RUNX1T1: variants seen among roughly 807,000 people sequenced by gnomAD.
The protein encoded by RUNX1T1 is RUNX1 partner transcriptional co-repressor 1.
A neutral mutation model predicts 62.8 loss-of-function variants in RUNX1T1; 4 were observed. The ratio of observed to expected loss-of-function variants is 0.06; its 90% CI spans 0.03 to 0.15. RUNX1T1 has a LOEUF of 0.15. Among genes scored for constraint, RUNX1T1 ranks in the 10% least tolerant of loss-of-function variants. The pLI is 1.00. For missense variants in RUNX1T1, 508 were observed against 754.3 expected (o/e 0.67, Z 3.82); for synonymous variants, 291 against 286.0 (o/e 1.02, Z -0.18).
At chr8:92,035,511 A>C (rs1404514593) in intron 1 of RUNX1T1, among the ~76,000 whole-genome samples, 1 of 152,110 alleles carries the variant, frequency 6.6e-6, no homozygotes, top group Non-Finnish European at 1.5e-5. Context: ...AAAATTTTAA[A>C]GGCGATTTTC....
chr8:92,029,830 A>G (rs1003785205), intron 1 of RUNX1T1, among the ~76,000 whole-genome samples: 1 of 152,180 alleles, frequency 6.6e-6, no homozygotes, highest in Non-Finnish European at 1.5e-5. Context: ...AAAAGCATTC[A>G]TTCAAAAATA....
intron 1 of RUNX1T1, among the ~76,000 whole-genome samples, chr8:92,050,171 G>A (rs1410844482): frequency 6.6e-6 from 1 of 152,100 alleles, no homozygotes; most frequent in African/African-American, 2.4e-5. Context: ...TTTTTGTTAA[G>A]AAGAAGAAAT....
downstream of RUNX1T1, chr8:91,956,676 A>C (rs1461133551): frequency 4.4e-6 from 1 of 226,112 alleles, no homozygotes; most frequent in Non-Finnish European, 8.8e-6. Flanking sequence ...TGACAAAAGC[A>C]TGATGCCTAG....
At chr8:92,013,906 A>G (rs1423118072) in intron 3 of RUNX1T1, among the ~76,000 whole-genome samples, 1 of 152,118 alleles carries the variant, frequency 6.6e-6, no homozygotes, top group African/African-American at 2.4e-5. Flanking sequence ...ATGAATACAG[A>G]AGGTTTCGGA....
chr8:92,058,095 C>A (rs1831329148), intron 1 of RUNX1T1, among the ~76,000 whole-genome samples: 3 of 152,076 alleles, frequency 2.0e-5, no homozygotes, highest in Admixed American at 2.0e-4. Context: ...GGTATCTACC[C>A]CTCTGGGCTC....
At chr8:92,020,992 A>AAACAACAAC (rs1008358127) in intron 1 of RUNX1T1, among the ~76,000 whole-genome samples, 3 of 152,076 alleles carry the variant, frequency 2.0e-5, no homozygotes, top group African/African-American at 4.8e-5. Flanking sequence ...GACCAGTATA[A>AAACAACAAC]AACAACAACA....
intron 1 of RUNX1T1, among the ~76,000 whole-genome samples, chr8:92,030,865 A>C (rs1044391388): frequency 6.6e-6 from 1 of 152,154 alleles, no homozygotes; most frequent in African/African-American, 2.4e-5. Flanking sequence ...ACAGGCCTTC[A>C]CATCTCATGC....
chr8:92,025,488 C>T (rs1370009074), intron 1 of RUNX1T1, among the ~76,000 whole-genome samples: 3 of 152,162 alleles, frequency 2.0e-5, no homozygotes, highest in Non-Finnish European at 1.5e-5. Context: ...ATACTCTTCA[C>T]CCCATCACCG....
intron 1 of RUNX1T1, among the ~76,000 whole-genome samples, chr8:92,039,808 T>C (rs964111962): frequency 4.6e-5 from 7 of 152,204 alleles, no homozygotes; most frequent in East Asian, 1.9e-4. Context: ...CAACTGATCA[T>C]TGGAGCCCCT....
chr8:91,991,545 C>T (rs1817676764), intron 6 of RUNX1T1, 94 bp downstream of exon 7: 14 of 1,319,938 alleles, frequency 1.1e-5, no homozygotes, highest in Non-Finnish European at 1.5e-5. Flanking sequence ...TCATCCCTAT[C>T]ACAGATTTCA....
At chr8:91,958,013 C>T (rs1054352999), downstream of RUNX1T1, 4 of 219,946 alleles carry the variant, frequency 1.8e-5, no homozygotes, top group Non-Finnish European at 3.7e-5. Context: ...ATTTAAGAGA[C>T]TTAAAGCAAA....
At chr8:91,969,751 TTAAA>T (rs961949700) in intron 10 of RUNX1T1, among the ~76,000 whole-genome samples, 29 of 152,182 alleles carry the variant, frequency 1.9e-4, no homozygotes, top group Admixed American at 1.6e-3. Context: ...CTGGTACAAA[TTAAA>T]TACTTACTCT....
intron 1 of RUNX1T1, among the ~76,000 whole-genome samples, chr8:92,041,060 G>A (rs1828350046): frequency 6.6e-6 from 1 of 152,060 alleles, no homozygotes; most frequent in Non-Finnish European, 1.5e-5. Context: ...TTTACCAAGT[G>A]CCAGTTATCT....
chr8:92,071,806 T>C (rs1210407835), intron 2 of RUNX1T1, among the ~76,000 whole-genome samples: 1 of 152,166 alleles, frequency 6.6e-6, no homozygotes, highest in Admixed American at 6.5e-5. Flanking sequence ...ACCCCGAAGC[T>C]GCGGCTCCAT....
At chr8:91,987,442 G>GT (rs1319469681) in intron 6 of RUNX1T1, among the ~76,000 whole-genome samples, 1 of 152,124 alleles carries the variant, frequency 6.6e-6, no homozygotes, top group Non-Finnish European at 1.5e-5. Flanking sequence ...TGTCAGCCTT[G>GT]TGTAAATGAA....
intron 1 of RUNX1T1, among the ~76,000 whole-genome samples, chr8:92,080,467 C>A (rs1835076116): frequency 3.9e-5 from 6 of 152,248 alleles, no homozygotes. Context: ...CTTTGTCCCA[C>A]ACTGAGCAGC....
intron 5 of RUNX1T1, among the ~76,000 whole-genome samples, chr8:91,999,043 T>C (rs1338496818): frequency 1.3e-5 from 2 of 152,220 alleles, no homozygotes; most frequent in African/African-American, 4.8e-5. Flanking sequence ...GTATGTGTAA[T>C]GCACTATCCT....
intron 2 of RUNX1T1, among the ~76,000 whole-genome samples, chr8:92,072,324 T>G (rs1004466950): frequency 1.3e-5 from 2 of 152,240 alleles, no homozygotes; most frequent in African/African-American, 4.8e-5. Flanking sequence ...TGGTTTATTA[T>G]GTTTCACCAA....
At chr8:92,062,826 A>C in exon 1 of RUNX1T1, 1 of 1,435,720 alleles carries the variant, frequency 7.0e-7, no homozygotes, top group Non-Finnish European at 9.1e-7. Context: ...TAGGCAGAAC[A>C]ATGACAGGGA....
Sources: gnomAD v4.1 joint callset for allele counts (sites outside exome capture counted in the v4.1 genomes callset) on GRCh38, gnomAD v4.1.1 for gene constraint, MANE v1.5 for transcripts, NCBI Gene and HGNC (gene_info 2026-07-23, HGNC 2026-07-21) for gene names.